Variants in CA10 observed in about 807,000 individuals in gnomAD.
The protein encoded by CA10 is carbonic anhydrase-related protein 10.
In CA10, 14 loss-of-function variants were observed where a neutral mutation model predicts 44.2. The ratio of observed to expected loss-of-function variants is 0.32; its 90% CI spans 0.21 to 0.50. CA10 has a LOEUF of 0.50. CA10 is among the 20% of genes least tolerant of loss of function. The pLI is 0.99. For missense variants in CA10, 350 were observed against 409.7 expected (o/e 0.85, Z 1.26); for synonymous variants, 159 against 141.6 (o/e 1.12, Z -0.87).
intron 2 of CA10, among the ~76,000 whole-genome samples, chr17:51,995,901 T>G (rs1270561085): frequency 6.6e-6 from 1 of 152,048 alleles, no homozygotes; most frequent in African/African-American, 2.4e-5. Context: ...TGAAATAAAT[T>G]CATCTAAAGA....
intron 1 of CA10, among the ~76,000 whole-genome samples, chr17:52,077,540 G>T (rs1285846774): frequency 6.6e-6 from 1 of 151,266 alleles, no homozygotes; most frequent in African/African-American, 2.4e-5. Flanking sequence ...AGCTGGATTT[G>T]ATCTGTAGGC....
intron 1 of CA10, among the ~76,000 whole-genome samples, chr17:52,074,280 A>G (rs76658706): frequency 3.4e-4 from 52 of 152,200 alleles, no homozygotes; most frequent in African/African-American, 1.2e-3. Flanking sequence ...ATAATTCTCT[A>G]AACTTCAGCC....
intron 5 of CA10, among the ~76,000 whole-genome samples, chr17:51,653,414 T>C (rs1567790100): frequency 6.6e-6 from 1 of 150,640 alleles, no homozygotes; most frequent in African/African-American, 2.4e-5. Context: ...AGAAGCTGCT[T>C]GAATCCTCAG....
intron 1 of CA10, among the ~76,000 whole-genome samples, chr17:52,102,736 G>C (rs971495488): frequency 6.6e-6 from 1 of 152,104 alleles, no homozygotes; most frequent in Non-Finnish European, 1.5e-5. Context: ...CTGTTTGCCC[G>C]AATAAACTCT....
In CA10 at chr17:51,931,017, A is replaced by G. The variant is rs1464987381; in HGVS notation, c.252T>C (p.Pro84=). The change falls in exon 3 of 9, where the codon CCT becomes CCC. Residue 84 remains proline, a synonymous_variant. Coordinates refer to ENST00000451037, the MANE Select transcript of CA10 (RefSeq NM_020178.5). The stretch of plus-strand genomic sequence containing the variant: ...TCCTGCCCCCCGTGTTGATGCGAAG[A>G]GGTGTCAGAAAGGGGTCGAAGATCA... ...SHMIFDPFLT[P]LRINTGGRKV... is the part of the protein sequence containing the mutation. 1 of 1,613,276 alleles carries G rather than the reference A, an allele frequency of 6.2e-7. No homozygotes were observed. Among genetic ancestry groups the G allele is most frequent in the Non-Finnish European group, 8.5e-7 (1 of 1,179,576 alleles).
intron 2 of CA10, among the ~76,000 whole-genome samples, chr17:51,986,756 A>G (rs764628037): frequency 1.3e-5 from 2 of 152,130 alleles, no homozygotes; most frequent in Non-Finnish European, 2.9e-5. Flanking sequence ...ACATGAAAAA[A>G]TACTTAACAT....
At chr17:51,824,608 A>G (rs370226868) in intron 3 of CA10, among the ~76,000 whole-genome samples, 3 of 152,210 alleles carry the variant, frequency 2.0e-5, no homozygotes, top group South Asian at 2.1e-4. Context: ...TCAGACTTCA[A>G]TATGGCTCAG....
At chr17:51,907,719 C>A (rs1008801168) in intron 3 of CA10, among the ~76,000 whole-genome samples, 6 of 152,084 alleles carry the variant, frequency 3.9e-5, no homozygotes, top group African/African-American at 1.4e-4. Context: ...CAATGGGGGA[C>A]CATTTTGAAG....
intron 3 of CA10, among the ~76,000 whole-genome samples, chr17:51,918,809 C>T (rs1982108915): frequency 6.6e-6 from 1 of 152,162 alleles, no homozygotes; most frequent in South Asian, 2.1e-4. Flanking sequence ...GATTTTGGCC[C>T]TAGCATACTA....
chr17:51,938,092 T>C (rs1982935368), intron 2 of CA10, among the ~76,000 whole-genome samples: 1 of 152,180 alleles, frequency 6.6e-6, no homozygotes, highest in South Asian at 2.1e-4. Flanking sequence ...ATTAGTACCA[T>C]GTCCTTACCA....
intron 3 of CA10, among the ~76,000 whole-genome samples, chr17:51,890,249 G>A (rs902996045): frequency 2.0e-5 from 3 of 152,276 alleles, no homozygotes; most frequent in Middle Eastern, 3.4e-3. Context: ...AGTAGGCAGG[G>A]TGTGTAGAAT....
At chr17:52,100,119 A>C (rs1031691001) in intron 1 of CA10, among the ~76,000 whole-genome samples, 2 of 152,216 alleles carry the variant, frequency 1.3e-5, no homozygotes, top group Non-Finnish European at 2.9e-5. Flanking sequence ...TTTTAATAGG[A>C]GAACCAAGAG....
In CA10 at chr17:51,969,726, T is replaced by A. The variant is rs1026021445; in HGVS notation, c.137-38594A>T. ...AGGGATTGTGTTAAGCAATGGAGAT[T>A]AGATCAAAAATTTTATAAAAGAAAT... On this transcript the variant is annotated intron_variant, in intron 2 of 8. Coordinates refer to ENST00000451037, the MANE Select transcript of CA10 (RefSeq NM_020178.5). Among the ~76,000 whole-genome samples, 3 of 151,956 alleles carry A rather than the reference T, an allele frequency of 2.0e-5. No individual in the cohort carries two copies. The East Asian group carries it at 5.8e-4, about 29-fold the overall frequency.
At chr17:51,713,778 G>T (rs922711783) in intron 4 of CA10, among the ~76,000 whole-genome samples, 4 of 152,182 alleles carry the variant, frequency 2.6e-5, no homozygotes, top group African/African-American at 4.8e-5. Flanking sequence ...GACCTTACAG[G>T]TTGGCCAGAC....
chr17:52,132,046 A>G (rs1170415732), intron 1 of CA10, among the ~76,000 whole-genome samples: 4 of 151,990 alleles, frequency 2.6e-5, no homozygotes, highest in African/African-American at 9.7e-5. Flanking sequence ...GCATTAGGAG[A>G]TATACCTAAT....
chr17:52,002,652 C>T (rs1985464204), intron 2 of CA10, among the ~76,000 whole-genome samples: 1 of 151,764 alleles, frequency 6.6e-6, no homozygotes, highest in Admixed American at 6.6e-5. Flanking sequence ...TCTTAAAATT[C>T]ATGTAGGGAG....
intron 2 of CA10, among the ~76,000 whole-genome samples, chr17:51,949,818 T>C (rs1045535651): frequency 6.6e-6 from 1 of 152,126 alleles, no homozygotes; most frequent in African/African-American, 2.4e-5. Flanking sequence ...TAGAGCTTTG[T>C]GGCCCCTGTG....
intron 2 of CA10, among the ~76,000 whole-genome samples, chr17:52,039,077 T>C (rs974693951): frequency 6.6e-6 from 1 of 152,132 alleles, no homozygotes; most frequent in Non-Finnish European, 1.5e-5. Context: ...TCTTCTGAAA[T>C]TCCTGTGATA....
intron 1 of CA10, among the ~76,000 whole-genome samples, chr17:52,099,680 G>C (rs1308459193): frequency 6.6e-6 from 1 of 152,170 alleles, no homozygotes; most frequent in Admixed American, 6.5e-5. Context: ...AAGAGCAAAA[G>C]ACCTGGCATA....
Sources: allele counts gnomAD v4.1 joint callset (sites outside exome capture counted in the v4.1 genomes callset), GRCh38; gene constraint gnomAD v4.1.1; transcripts MANE v1.5; gene names NCBI Gene and HGNC (gene_info 2026-07-23, HGNC 2026-07-21).